FAM107B: variants seen among roughly 807,000 people sequenced by gnomAD.
The protein encoded by FAM107B is protein FAM107B.
A neutral mutation model predicts 31.5 loss-of-function variants in FAM107B; 21 were observed. The ratio of observed to expected loss-of-function variants is 0.67; its 90% CI spans 0.47 to 0.96. The LOEUF (loss-of-function observed/expected upper bound fraction) is 0.96. FAM107B is among the 40% of genes least tolerant of loss of function. The probability of loss-of-function intolerance (pLI) is 0.00; values close to 1 mark genes in which losing one functional copy is unlikely to be tolerated. For synonymous variants in FAM107B, 157 were observed against 141.5 expected (o/e 1.11, Z -0.78); for missense variants, 452 against 377.1 (o/e 1.20, Z -1.64).
intron 2 of FAM107B, among the ~76,000 whole-genome samples, chr10:14,595,334 G>A (rs1305305100): frequency 6.6e-6 from 1 of 151,712 alleles, no homozygotes; most frequent in Non-Finnish European, 1.5e-5. Flanking sequence ...GATATGTACA[G>A]AGTCCAGCAA....
chr10:14,708,267 G>C (rs1199445340), intron 1 of FAM107B, among the ~76,000 whole-genome samples: 1 of 152,054 alleles, frequency 6.6e-6, no homozygotes, highest in African/African-American at 2.4e-5. Context: ...TTTTATTAGA[G>C]ATGGGGTTTT....
chr10:14,708,022 T>C (rs1471305078), intron 1 of FAM107B, among the ~76,000 whole-genome samples: 3 of 152,128 alleles, frequency 2.0e-5, no homozygotes, highest in African/African-American at 7.2e-5. Flanking sequence ...CCCAGAGCTC[T>C]GTCTCCACCC....
intron 2 of FAM107B, among the ~76,000 whole-genome samples, chr10:14,567,026 G>A (rs546630746): frequency 2.6e-5 from 4 of 152,306 alleles, no homozygotes; most frequent in Non-Finnish European, 4.4e-5. Flanking sequence ...GGTGGCGGAC[G>A]CCTGTAGTCC....
chr10:14,709,316 C>T (rs750602597), intron 1 of FAM107B, among the ~76,000 whole-genome samples: 6 of 152,154 alleles, frequency 3.9e-5, no homozygotes, highest in East Asian at 1.9e-4. Flanking sequence ...AAGACATACT[C>T]GAGACTGGGC....
chr10:14,619,429 C>G (rs755341698), intron 2 of FAM107B, among the ~76,000 whole-genome samples: 1 of 152,074 alleles, frequency 6.6e-6, no homozygotes, highest in African/African-American at 2.4e-5. Flanking sequence ...TTTCTAATGG[C>G]TTATTATGTT....
At chr10:14,570,391 G>A (rs1238564669) in intron 2 of FAM107B, among the ~76,000 whole-genome samples, 2 of 152,172 alleles carry the variant, frequency 1.3e-5, no homozygotes, top group Non-Finnish European at 1.5e-5. Context: ...GAGAATGACT[G>A]CCCAAGAGGA....
Position 14,669,055 on chromosome 10 carries a change from G to C in FAM107B, c.412-1364C>G, listed in dbSNP as rs571843014. Among the ~76,000 whole-genome samples the C allele has an allele frequency of 2.1e-3, 317 of 152,180 alleles. 1 individual carries two copies. Among genetic ancestry groups the C allele is most frequent in the African/African-American group, 7.5e-3 (310 of 41,514 alleles). ...CTGGATTAGAACCCACCAGACTCTA[G>C]AGCTCAGGTAGTAAGATAAAGAAAG... is the stretch of plus-strand genomic sequence containing the variant. On this transcript the variant is annotated intron_variant, in intron 1 of 4. Transcript: ENST00000181796.
chr10:14,652,138 T>C (rs966564258), intron 2 of FAM107B, among the ~76,000 whole-genome samples: 19 of 101,794 alleles, frequency 1.9e-4, no homozygotes, highest in African/African-American at 7.2e-4. Context: ...AAAACATAGA[T>C]ATTCAACTTC....
chr10:14,718,742 C>T (rs1855841198), intron 1 of FAM107B, among the ~76,000 whole-genome samples: 1 of 152,224 alleles, frequency 6.6e-6, no homozygotes, highest in Non-Finnish European at 1.5e-5. Flanking sequence ...TATAATCTGC[C>T]TGGCCTTTGT....
intron 2 of FAM107B, among the ~76,000 whole-genome samples, chr10:14,663,834 A>G (rs753035385): frequency 6.8e-6 from 1 of 147,080 alleles, no homozygotes; most frequent in Admixed American, 7.0e-5. Flanking sequence ...ATATGAATAC[A>G]AATTATAGAA....
intron 1 of FAM107B, among the ~76,000 whole-genome samples, chr10:14,684,704 TA>T (rs1854930530): frequency 1.3e-5 from 2 of 152,228 alleles, no homozygotes; most frequent in Non-Finnish European, 2.9e-5. Flanking sequence ...CACACTTTTT[TA>T]TTCTATCTCT....
At chr10:14,555,604 A>T (rs144013023) in intron 2 of FAM107B, among the ~76,000 whole-genome samples, 2,232 of 152,316 alleles carry the variant, frequency 0.015, 31 homozygotes, top group Non-Finnish European at 0.022. Context: ...CACTTCTGAG[A>T]TAAAGATTTG....
At chr10:14,560,261 A>G (rs1850122935) in intron 2 of FAM107B, among the ~76,000 whole-genome samples, 1 of 151,998 alleles carries the variant, frequency 6.6e-6, no homozygotes, top group African/African-American at 2.4e-5. Flanking sequence ...TCAAAGGCTT[A>G]GGAGATATAA....
At chr10:14,617,923 C>T (rs1852895477) in intron 2 of FAM107B, among the ~76,000 whole-genome samples, 1 of 152,134 alleles carries the variant, frequency 6.6e-6, no homozygotes, top group Non-Finnish European at 1.5e-5. Flanking sequence ...AACCCAGCTT[C>T]TTGAAGTGAA....
chr10:14,759,047 G>A (rs922965591), intron 1 of FAM107B, among the ~76,000 whole-genome samples: 12 of 151,452 alleles, frequency 7.9e-5, no homozygotes, highest in African/African-American at 2.4e-4. Flanking sequence ...GTGTGGTGGC[G>A]CATGACTGTA....
At chr10:14,720,738 C>T (rs1056701556) in intron 1 of FAM107B, among the ~76,000 whole-genome samples, 5 of 152,140 alleles carry the variant, frequency 3.3e-5, no homozygotes, top group African/African-American at 4.8e-5. Flanking sequence ...ATTTGAAGAA[C>T]CAAAGTAATC....
At chr10:14,644,992 C>G (rs1853717763) in intron 2 of FAM107B, among the ~76,000 whole-genome samples, 1 of 152,206 alleles carries the variant, frequency 6.6e-6, no homozygotes, top group Admixed American at 6.5e-5. Flanking sequence ...GAGTCAAAGC[C>G]TGGTCCCAAC....
intron 1 of FAM107B, among the ~76,000 whole-genome samples, chr10:14,733,543 T>A (rs77664854): frequency 6.6e-6 from 1 of 152,170 alleles, no homozygotes; most frequent in African/African-American, 2.4e-5. Flanking sequence ...AATTATACTG[T>A]CAAATGATAT....
At chr10:14,617,043 G>C (rs1852872473) in intron 2 of FAM107B, among the ~76,000 whole-genome samples, 1 of 152,034 alleles carries the variant, frequency 6.6e-6, no homozygotes, top group Admixed American at 6.6e-5. Flanking sequence ...GGAGCAATAG[G>C]AGAAAAGAGA....
Sources: allele counts gnomAD v4.1 joint callset (sites outside exome capture counted in the v4.1 genomes callset), GRCh38; gene constraint gnomAD v4.1.1; transcripts MANE v1.5; gene names NCBI Gene and HGNC (gene_info 2026-07-23, HGNC 2026-07-21).